ZSWIM5: variants seen among roughly 807,000 people sequenced by gnomAD.
ZSWIM5 encodes zinc finger SWIM domain-containing protein 5.
In ZSWIM5, 55 loss-of-function variants were observed where a neutral mutation model predicts 119.6. That is an observed-to-expected ratio of 0.46 (90% CI 0.37 to 0.58). The LOEUF (loss-of-function observed/expected upper bound fraction) is 0.58. Among genes scored for constraint, ZSWIM5 ranks in the 20% least tolerant of loss-of-function variants. The pLI is 0.00. For synonymous variants in ZSWIM5, 537 were observed against 606.9 expected (o/e 0.88, Z 1.69); for missense variants, 1,193 against 1,512.8 (o/e 0.79, Z 3.51).
rs988769109 is a variant in ZSWIM5 at position 45,128,280 on chromosome 1, A to G, written c.596-40043T>C. ...GTCATCACAGCTCACTGCAGCCTCA[A>G]CTCCCTGGGCTCAAGCAATCCTCCC... On this transcript the variant is annotated intron_variant, in intron 1 of 13. Transcript: ENST00000359600. Among the ~76,000 whole-genome samples the G allele has an allele frequency of 4.6e-5, 7 of 151,992 alleles. No individual in the cohort carries two copies. The South Asian group carries it at 1.2e-3, about 27-fold the overall frequency.
chr1:45,025,374 T>C (rs12092185), intron 11 of ZSWIM5, among the ~76,000 whole-genome samples: 9,943 of 152,258 alleles, frequency 0.065, 1,089 homozygotes, highest in African/African-American at 0.23. Flanking sequence ...GGGATTTTGA[T>C]TGGGATTGTG....
In ZSWIM5 at chr1:45,048,085, T is replaced by TC. The variant is rs1557747991; in HGVS notation, c.1432+2988_1432+2989insG. Among the ~76,000 whole-genome samples, 15 of 141,346 alleles carry TC rather than the reference T, an allele frequency of 1.1e-4. 5 individuals carry two copies. The highest frequency in any genetic ancestry group is 1.7e-4 in the Non-Finnish European group (11 of 65,402). The allele number at this position is 141,346 out of a possible 152,430, so 92.7% of individuals were successfully genotyped here. A position where few individuals can be genotyped will look rare whatever the true frequency, so the allele number is the denominator to read the frequency against. ...TCTTTCTTTCCTTTTCTTTTCTCTT[T>TC]TTTTTTTTTTTTTTTTGAGACAGGG... On this transcript the variant is annotated intron_variant, in intron 5 of 13. Coordinates refer to ENST00000359600, the MANE Select transcript of ZSWIM5 (RefSeq NM_020883.2).
At chr1:45,062,829 T>A (rs1260628995) in intron 2 of ZSWIM5, among the ~76,000 whole-genome samples, 2 of 152,156 alleles carry the variant, frequency 1.3e-5, no homozygotes, top group African/African-American at 2.4e-5. Context: ...TAATTTCAAC[T>A]CTTATTTTAG....
intron 1 of ZSWIM5, among the ~76,000 whole-genome samples, chr1:45,164,340 C>A (rs1202413107): frequency 6.6e-6 from 1 of 152,120 alleles, no homozygotes; most frequent in African/African-American, 2.4e-5. Context: ...TGGAAAGGAA[C>A]AACCGGTACC....
At chr1:45,065,817 G>T (rs940752208) in intron 2 of ZSWIM5, among the ~76,000 whole-genome samples, 3 of 151,946 alleles carry the variant, frequency 2.0e-5, no homozygotes, top group African/African-American at 7.3e-5. Context: ...GGAAGAGAAT[G>T]AACTGGCAAG....
At chr1:45,191,132 G>A (rs1050351754) in intron 1 of ZSWIM5, among the ~76,000 whole-genome samples, 1 of 150,502 alleles carries the variant, frequency 6.6e-6, no homozygotes, top group Non-Finnish European at 1.5e-5. Context: ...ATTTTTAGTA[G>A]AGACCTCGTG....
At chr1:45,172,572 A>G (rs1243028997) in intron 1 of ZSWIM5, among the ~76,000 whole-genome samples, 2 of 152,150 alleles carry the variant, frequency 1.3e-5, no homozygotes, top group African/African-American at 4.8e-5. Context: ...CAAGCTACAT[A>G]AGACCTTAGA....
At chr1:45,087,087 T>A (rs1645335167) in intron 2 of ZSWIM5, among the ~76,000 whole-genome samples, 1 of 152,082 alleles carries the variant, frequency 6.6e-6, no homozygotes, top group African/African-American at 2.4e-5. Context: ...TTTCACCATG[T>A]TCACTAGGCT....
rs992240401 is a variant in ZSWIM5 at position 45,027,856 on chromosome 1, T to A, written c.2449+6456A>T. Among the ~76,000 whole-genome samples the A allele has an allele frequency of 6.6e-5, 10 of 152,070 alleles. No homozygotes were observed. The South Asian group carries it at 2.1e-3, about 32-fold the overall frequency. On this transcript the variant is annotated intron_variant, in intron 11 of 13. Coordinates refer to ENST00000359600, the MANE Select transcript of ZSWIM5 (RefSeq NM_020883.2). ...ACCATGTCTGGCTCTTTTCTCTTTTTCTTCTTTCTTTTTGAGATGGAGTCT... is the reference window on the plus strand; with the variant it reads ...ACCATGTCTGGCTCTTTTCTCTTTTACTTCTTTCTTTTTGAGATGGAGTCT...
At chr1:45,197,379 T>G (rs1442458315) in intron 1 of ZSWIM5, among the ~76,000 whole-genome samples, 1 of 152,222 alleles carries the variant, frequency 6.6e-6, no homozygotes, top group Non-Finnish European at 1.5e-5. Context: ...TTTCTAGAAT[T>G]TCATACATAT....
At chr1:45,026,247 C>T (rs567439932) in intron 11 of ZSWIM5, among the ~76,000 whole-genome samples, 2 of 152,170 alleles carry the variant, frequency 1.3e-5, no homozygotes, top group Non-Finnish European at 2.9e-5. Flanking sequence ...GTTATCCAGG[C>T]TGGTCTTGAA....
chr1:45,190,507 G>C (rs1014836965), intron 1 of ZSWIM5, among the ~76,000 whole-genome samples: 13 of 152,168 alleles, frequency 8.5e-5, no homozygotes, highest in African/African-American at 3.1e-4. Flanking sequence ...CCCAAAAAAA[G>C]AGACCAAACA....
At chr1:45,170,781 T>C (rs1311754027) in intron 1 of ZSWIM5, among the ~76,000 whole-genome samples, 1 of 148,520 alleles carries the variant, frequency 6.7e-6, no homozygotes, top group Non-Finnish European at 1.5e-5. Context: ...TCTTGCTTTG[T>C]TGCCCAGGCT....
intron 1 of ZSWIM5, among the ~76,000 whole-genome samples, chr1:45,120,993 AGGCTG>A (rs1645587756): frequency 6.6e-6 from 1 of 151,054 alleles, no homozygotes; most frequent in Admixed American, 6.6e-5. Context: ...CTCTGTCCCC[AGGCTG>A]GAGTGTGGTG....
chr1:45,191,278 G>C (rs1424528687), intron 1 of ZSWIM5, among the ~76,000 whole-genome samples: 2 of 152,130 alleles, frequency 1.3e-5, no homozygotes, highest in East Asian at 3.9e-4. Context: ...GTCATTTGCA[G>C]GCTGCCCTTA....
intron 2 of ZSWIM5, among the ~76,000 whole-genome samples, chr1:45,087,444 C>T (rs1263308498): frequency 1.3e-5 from 2 of 152,170 alleles, no homozygotes; most frequent in African/African-American, 4.8e-5. Context: ...AAGCACAATG[C>T]TAACACATGC....
intron 4 of ZSWIM5, among the ~76,000 whole-genome samples, chr1:45,055,055 G>A (rs1295163389): frequency 2.0e-5 from 3 of 152,010 alleles, no homozygotes; most frequent in East Asian, 1.9e-4. Flanking sequence ...GCAGTGGCAC[G>A]GTCTTGGCTC....
At chr1:45,035,582 C>A (rs746626836) in intron 10 of ZSWIM5, 106 bp downstream of exon 10, 52 of 1,440,834 alleles carry the variant, frequency 3.6e-5, no homozygotes, top group Non-Finnish European at 4.5e-5. Flanking sequence ...GCGGGTCCAA[C>A]AGAATGACAA....
At chr1:45,024,463 AT>A (rs1644908825) in intron 11 of ZSWIM5, among the ~76,000 whole-genome samples, 1 of 151,850 alleles carries the variant, frequency 6.6e-6, no homozygotes, top group African/African-American at 2.4e-5. Flanking sequence ...AAGGGCTGGG[AT>A]TACAGGCGTG....
Sources: allele counts gnomAD v4.1 joint callset (sites outside exome capture counted in the v4.1 genomes callset), GRCh38; gene constraint gnomAD v4.1.1; transcripts MANE v1.5; gene names NCBI Gene and HGNC (gene_info 2026-07-23, HGNC 2026-07-21).